The following DNASE2B variants were observed in gnomAD, a reference collection of about 807,000 sequenced individuals.
DNASE2B encodes the protein deoxyribonuclease 2 beta.
DNASE2B carries 43 observed loss-of-function variants against 46.0 expected under a neutral mutation model. The ratio of observed to expected loss-of-function variants is 0.94; its 90% confidence interval spans 0.73 to 1.21. The LOEUF (loss-of-function observed/expected upper bound fraction) is 1.21, where lower values mean the gene tolerates loss of function less well. Ranked by LOEUF, DNASE2B falls within the 50% of genes most tolerant of loss-of-function variation. DNASE2B has a pLI of 0.00. For missense variants in DNASE2B, 395 were observed against 414.4 expected (o/e 0.95, Z 0.41); for synonymous variants, 156 against 152.5 (o/e 1.02, Z -0.17).
intron 3 of DNASE2B, 30 bp from the exon 4 acceptor site, chr1:84,410,808 A>G (rs763614740): frequency 2.5e-6 from 4 of 1,594,298 alleles, no homozygotes; most frequent in Non-Finnish European, 3.4e-6. Context: ...TGTTTTTCTG[A>G]TTTATCTTTG....
At position 84,413,377 on chromosome 1, in the gene DNASE2B, T is replaced by C. The variant is rs534395912; in HGVS notation, c.745+831T>C. On this transcript the variant is annotated intron_variant, in intron 5 of 5. Transcript: ENST00000370665. ...CTTATTTGCTTCCTTCCTTTATACG[T>C]TGAATAAAATTTACTGAATGCCTAC... 8.5e-5 allele frequency among the ~76,000 whole-genome samples: 13 copies of C among 152,328 alleles called. No homozygotes were observed. The South Asian group carries it at 1.0e-3, about 12-fold the overall frequency.
chr1:84,401,881 A>C lies in DNASE2B; in HGVS notation c.126-20A>C. On this transcript the variant is annotated intron_variant, in intron 1 of 5. Coordinates refer to ENST00000370665, the MANE Select transcript of DNASE2B (RefSeq NM_021233.3). Reference sequence around the variant, plus strand: ...AACAGTCAATAAATGTTAGTAATTCATAATCATTTTGTCTGTTAGGTTTAC... The same window carrying C: ...AACAGTCAATAAATGTTAGTAATTCCTAATCATTTTGTCTGTTAGGTTTAC... 1 of 1,464,522 alleles carries C rather than the reference A, an allele frequency of 6.8e-7. No homozygotes were observed. Among genetic ancestry groups the C allele is most frequent in the South Asian group, 1.4e-5 (1 of 70,970 alleles). The allele number at this position is 1,464,522 out of a possible 1,614,324, so 90.7% of individuals were successfully genotyped here.
In DNASE2B at chr1:84,414,658, A is replaced by G. The variant is rs1476351903; in HGVS notation, c.876A>G (p.Lys292=). The G allele has an allele frequency of 6.2e-7, 1 of 1,614,148 alleles. No individual in the cohort carries two copies. Among genetic ancestry groups the G allele is most frequent in the East Asian group, 2.2e-5 (1 of 44,876 alleles). Residue 292 remains lysine, a synonymous_variant, in exon 6 of 6, where the codon AAA becomes AAG. Transcript: ENST00000370665. ...PYHVYNIKAI[K]LSRHSYFSSY... is the part of the protein sequence containing the mutation. Reference sequence around the variant, plus strand: ...ATGTCTACAATATAAAAGCAATTAAATTATCACGACACTCTTATTTCAGTT... The same window carrying G: ...ATGTCTACAATATAAAAGCAATTAAGTTATCACGACACTCTTATTTCAGTT...
At position 84,412,613 on chromosome 1, in the gene DNASE2B, A is replaced by G. The variant is rs1318251750; in HGVS notation, c.745+67A>G. The G allele has an allele frequency of 5.2e-6, 7 of 1,334,340 alleles. No individual in the cohort carries two copies. In the African/African-American group the frequency reaches 7.5e-5, roughly 14 times the overall value. 82.7% of individuals were successfully genotyped at this position (1,334,340 alleles called of 1,614,324 possible). A position where few individuals can be genotyped will look rare whatever the true frequency, so the allele number is the denominator to read the frequency against. ...CTGTTGAACTGACTAGGGATAGCTT[A>G]GAGAAATATTTTGAGTATTCAGAGA... On this transcript the variant is annotated intron_variant, in intron 5 of 5. Transcript: ENST00000370665.
intron 2 of DNASE2B, among the ~76,000 whole-genome samples, chr1:84,405,640 A>G (rs1205567564): frequency 6.6e-6 from 1 of 152,214 alleles, no homozygotes; most frequent in African/African-American, 2.4e-5. Context: ...AATATGCAAG[A>G]GCTGTGAGAG....
Position 84,405,622 on chromosome 1 carries a change from T to C in DNASE2B, c.304-2815T>C, listed in dbSNP as rs563118489. Among the ~76,000 whole-genome samples, 3 of 152,280 alleles carry C rather than the reference T, an allele frequency of 2.0e-5. No individual in the cohort carries two copies. In the South Asian group the frequency reaches 6.2e-4, roughly 32 times the overall value. On this transcript the variant is annotated intron_variant, in intron 2 of 5. Coordinates refer to ENST00000370665, the MANE Select transcript of DNASE2B (RefSeq NM_021233.3). The stretch of plus-strand genomic sequence containing the variant: ...AAGGTTTCTGATATTGCCCCAAACA[T>C]GATGAAAAATATGCAAGAGCTGTGA...
intron 1 of DNASE2B, among the ~76,000 whole-genome samples, chr1:84,399,119 G>C (rs1680356540): frequency 6.6e-6 from 1 of 152,228 alleles, no homozygotes; most frequent in Admixed American, 6.5e-5. Context: ...AAAGAGAAGG[G>C]GGACCTGGTC....
At chr1:84,399,948 A>G (rs1156991107) in intron 1 of DNASE2B, among the ~76,000 whole-genome samples, 4 of 152,234 alleles carry the variant, frequency 2.6e-5, no homozygotes, top group African/African-American at 7.2e-5. Context: ...CTTTTGCAGC[A>G]TTACAGGTGA....
chr1:84,407,041 T>C (rs1680503390), intron 2 of DNASE2B, among the ~76,000 whole-genome samples: 1 of 152,190 alleles, frequency 6.6e-6, no homozygotes. Flanking sequence ...AAAACAATAC[T>C]GAACATATGT....
intron 1 of DNASE2B, 46 bp downstream of exon 1, chr1:84,398,735 TAC>T (rs1558495633): frequency 1.2e-6 from 2 of 1,606,970 alleles, no homozygotes; most frequent in Non-Finnish European, 1.7e-6. Context: ...ACAGCCTCGG[TAC>T]AGAGTTGGCC....
At chr1:84,405,687 A>G (rs1680482221) in intron 2 of DNASE2B, among the ~76,000 whole-genome samples, 1 of 152,226 alleles carries the variant, frequency 6.6e-6, no homozygotes, top group African/African-American at 2.4e-5. Flanking sequence ...TACTGGAGAG[A>G]ACTGCTCACG....
At chr1:84,402,990 GA>G (rs1680446169) in intron 2 of DNASE2B, among the ~76,000 whole-genome samples, 1 of 152,110 alleles carries the variant, frequency 6.6e-6, no homozygotes, top group South Asian at 2.1e-4. Flanking sequence ...AATACACACG[GA>G]ACTGTCATGG....
chr1:84,408,105 G>A (rs1205061255), intron 2 of DNASE2B: 1 of 165,940 alleles, frequency 6.0e-6, no homozygotes, highest in Non-Finnish European at 1.3e-5. Context: ...AAATAATTCA[G>A]TACTCCTTTA....
chr1:84,411,890 A>G lies in DNASE2B; in HGVS notation c.548-459A>G, dbSNP rs562876000. Among the ~76,000 whole-genome samples, 21 of 152,192 alleles carry G rather than the reference A, an allele frequency of 1.4e-4. 1 individual carries two copies. Among genetic ancestry groups the G allele is most frequent in the Non-Finnish European group, 2.6e-4 (18 of 68,028 alleles). On this transcript the variant is annotated intron_variant, in intron 4 of 5. Coordinates refer to ENST00000370665, the MANE Select transcript of DNASE2B (RefSeq NM_021233.3). ...GCACACTGAGGAGATGATGATTCTT[A>G]AAGCTTTTTGGTACATGGAGTTCTC...
chr1:84,410,432 T>G (rs1281517355), intron 3 of DNASE2B, among the ~76,000 whole-genome samples: 3 of 152,214 alleles, frequency 2.0e-5, no homozygotes, highest in Non-Finnish European at 2.9e-5. Flanking sequence ...TCAACTCTGT[T>G]TTTTAGTCAG....
rs57249159 is a variant in DNASE2B, at chr1:84,410,902, A to G, written c.450A>G (p.Pro150=). The G allele has an allele frequency of 9.7e-4, 1,572 of 1,613,434 alleles. 15 individuals carry two copies. The African/African-American group carries it at 0.018, about 18-fold the overall frequency. The change falls in exon 4 of 6, where the codon CCA becomes CCG. Residue 150 remains proline, a synonymous_variant. Transcript: ENST00000370665. ...WLIHSIPQFP[P]IPEEGYDYPP... is the part of the protein sequence containing the mutation. ...TTCATTCCATCCCTCAGTTTCCTCCAATTCCGGAAGAAGGCTATGATTATC... is the reference window on the plus strand; with the variant it reads ...TTCATTCCATCCCTCAGTTTCCTCCGATTCCGGAAGAAGGCTATGATTATC...
chr1:84,406,652 T>C (rs867432521), intron 2 of DNASE2B, among the ~76,000 whole-genome samples: 33 of 152,350 alleles, frequency 2.2e-4, no homozygotes, highest in Admixed American at 1.9e-3. Context: ...CCATGCCTGA[T>C]TGGCATAGAG....
chr1:84,403,861 T>C (rs1008697060), intron 2 of DNASE2B, among the ~76,000 whole-genome samples: 4 of 151,776 alleles, frequency 2.6e-5, no homozygotes, highest in African/African-American at 9.7e-5. Flanking sequence ...ATAAGAGCTA[T>C]CTGTTGCCTC....
At chr1:84,402,169 C>A in intron 2 of DNASE2B, 91 bp downstream of exon 2, 1 of 1,317,646 alleles carries the variant, frequency 7.6e-7, no homozygotes, top group Non-Finnish European at 1.0e-6. Flanking sequence ...TTCACCCACC[C>A]AACCCCCAAT....
Sources: allele counts gnomAD v4.1 joint callset (sites outside exome capture counted in the v4.1 genomes callset), GRCh38; gene constraint gnomAD v4.1.1; transcripts MANE v1.5; gene names NCBI Gene and HGNC (gene_info 2026-07-23, HGNC 2026-07-21).